Variants in ZNF276 observed in about 807,000 individuals in gnomAD.
ZNF276 encodes the protein zinc finger protein 276, also known as centromere protein Z.
In ZNF276, 59 loss-of-function variants were observed where a neutral mutation model predicts 63.9. That is an observed-to-expected ratio of 0.92 (90% confidence interval 0.75 to 1.15). The LOEUF (loss-of-function observed/expected upper bound fraction) is 1.15. ZNF276 is among the 50% of genes most tolerant of loss of function. The pLI, the probability that ZNF276 is intolerant of heterozygous loss-of-function variation, is 0.00. For missense variants in ZNF276, 1,084 were observed against 843.8 expected, an observed-to-expected ratio of 1.28 and a Z score of -3.53; for synonymous variants, 496 against 348.4, an observed-to-expected ratio of 1.42 and a Z score of -4.72.
Position 89,739,925 on chromosome 16 carries a change from T to G in ZNF276, c.*1679T>G. 1 of 1,604,570 alleles carries G rather than the reference T, an allele frequency of 6.2e-7. No individual in the cohort carries two copies. Among genetic ancestry groups the G allele is most frequent in the Non-Finnish European group, 8.5e-7 (1 of 1,173,120 alleles). On this transcript the variant is annotated 3_prime_UTR_variant, in exon 11 of 11. Transcript: ENST00000443381. ...AGGAACCTCAAGGAGGGCTCGTTCT[T>G]AACCATTTGCAAGATGCCTCTGAAA...
Position 89,721,578 on chromosome 16 carries a change from G to A in ZNF276, c.-63G>A. ...AGCGCGCCGAGCGGAGCCTAACGCC[G>A]GGTCCTCTAGGAACCTCGGGCCGGG... On this transcript the variant is annotated 5_prime_UTR_variant, in exon 1 of 11. Coordinates refer to ENST00000443381, the MANE Select transcript of ZNF276 (RefSeq NM_001113525.2). 1 of 1,419,134 alleles carries A rather than the reference G, an allele frequency of 7.0e-7. No individual in the cohort carries two copies. Among genetic ancestry groups the A allele is most frequent in the Non-Finnish European group, 9.3e-7 (1 of 1,079,436 alleles). The allele number at this position is 1,419,134 out of a possible 1,614,324, so 87.9% of individuals were successfully genotyped here. A position where few individuals can be genotyped will look rare whatever the true frequency, so the allele number is the denominator to read the frequency against.
In ZNF276 at chr16:89,740,222, T is replaced by G; in HGVS notation, c.*1976T>G. ...TGCTTATTGTAAGTCTTAAAACTGGTGACAGTTTTACCTATAGAAGGTAAT... is the reference window on the plus strand; with the variant it reads ...TGCTTATTGTAAGTCTTAAAACTGGGGACAGTTTTACCTATAGAAGGTAAT... On this transcript the variant is annotated 3_prime_UTR_variant, in exon 11 of 11. Coordinates refer to ENST00000443381, the MANE Select transcript of ZNF276 (RefSeq NM_001113525.2). The G allele has an allele frequency of 1.2e-6, 1 of 859,582 alleles. No homozygotes were observed. The highest frequency in any genetic ancestry group is 2.0e-6 in the Non-Finnish European group (1 of 500,290). The allele number at this position is 859,582 out of a possible 1,614,324, so 53.2% of individuals were successfully genotyped here. A position where few individuals can be genotyped will look rare whatever the true frequency, so the allele number is the denominator to read the frequency against.
At position 89,739,087 on chromosome 16, in the gene ZNF276, G is replaced by A. The variant is rs191404781; in HGVS notation, c.*841G>A. 1.0e-3 allele frequency: 1,667 copies of A among 1,613,836 alleles called. 1 individual carries two copies. Among genetic ancestry groups the A allele is most frequent in the Non-Finnish European group, 1.2e-3 (1,445 of 1,179,838 alleles). ...ACATTCTTTGGCAGAAGGAGCCTCC[G>A]GCTGGGGGGAGCTCCCCTGGAGGTG... On this transcript the variant is annotated 3_prime_UTR_variant, in exon 11 of 11. Coordinates refer to ENST00000443381, the MANE Select transcript of ZNF276 (RefSeq NM_001113525.2).
chr16:89,732,264 G>A (rs1435627061), intron 6 of ZNF276: 2 of 152,242 alleles, frequency 1.3e-5, no homozygotes, highest in African/African-American at 2.4e-5. Flanking sequence ...CCAGACTTTT[G>A]GAGGACAAGG....
chr16:89,738,823 C>CA lies in ZNF276; in HGVS notation c.*578dup. 1 of 1,614,076 alleles carries CA rather than the reference C, an allele frequency of 6.2e-7. No homozygotes were observed. The highest frequency in any genetic ancestry group is 8.5e-7 in the Non-Finnish European group (1 of 1,179,982). ...TTGCCAGCCAGGCAGGCACATGGCC[C>CA]AGGCAGCTGTCAATTCTCATGTCCC... On this transcript the variant is annotated 3_prime_UTR_variant, in exon 11 of 11. Coordinates refer to ENST00000443381, the MANE Select transcript of ZNF276 (RefSeq NM_001113525.2).
chr16:89,724,968 C>G (rs1285670175), intron 4 of ZNF276, among the ~76,000 whole-genome samples: 1 of 152,236 alleles, frequency 6.6e-6, no homozygotes, highest in East Asian at 1.9e-4. Flanking sequence ...ATTTTTGAGA[C>G]AGAGTCTCGT....
Position 89,721,566 on chromosome 16 carries a change from G to C in ZNF276, c.-75G>C, listed in dbSNP as rs1319427825. ...CGCCTCGCTTCCAGCGCGCCGAGCGGAGCCTAACGCCGGGTCCTCTAGGAA... is the reference window on the plus strand; with the variant it reads ...CGCCTCGCTTCCAGCGCGCCGAGCGCAGCCTAACGCCGGGTCCTCTAGGAA... On this transcript the variant is annotated 5_prime_UTR_variant, in exon 1 of 11. Transcript: ENST00000443381. 1 of 1,387,616 alleles carries C rather than the reference G, an allele frequency of 7.2e-7. No individual in the cohort carries two copies. The highest frequency in any genetic ancestry group is 1.5e-5 in the African/African-American group (1 of 65,782). The allele number at this position is 1,387,616 out of a possible 1,614,324, so 86.0% of individuals were successfully genotyped here. A position where few individuals can be genotyped will look rare whatever the true frequency, so the allele number is the denominator to read the frequency against.
In ZNF276 at chr16:89,727,210, T is replaced by TGCCTCC; in HGVS notation, c.1007-68_1007-63dup. 2.0e-6 allele frequency: 3 copies of TGCCTCC among 1,478,194 alleles called. No homozygotes were observed. The Middle Eastern group carries it at 5.3e-4, about 259-fold the overall frequency. The allele number at this position is 1,478,194 out of a possible 1,614,324, so 91.6% of individuals were successfully genotyped here. A position where few individuals can be genotyped will look rare whatever the true frequency, so the allele number is the denominator to read the frequency against. On this transcript the variant is annotated intron_variant, in intron 4 of 10. Transcript: ENST00000443381. ...CTTCTAGTCATCAATAGTAGAATCA[T>TGCCTCC]GCCTCCTTGCAGGTGAGACCTTTCT...
intron 4 of ZNF276, 150 bp downstream of exon 4, chr16:89,723,859 TG>T: frequency 1.1e-6 from 1 of 873,180 alleles, no homozygotes; most frequent in South Asian, 1.8e-5. Context: ...TGCCTGCGGC[TG>T]CTCACCACAT....
At chr16:89,726,734 C>T (rs1181014233) in intron 4 of ZNF276, among the ~76,000 whole-genome samples, 1 of 152,072 alleles carries the variant, frequency 6.6e-6, no homozygotes, top group Non-Finnish European at 1.5e-5. Flanking sequence ...CAATGTCTGC[C>T]TCCCGGGTTC....
intron 6 of ZNF276, 99 bp from the exon 7 acceptor site, chr16:89,733,201 AGG>A (rs1229315510): frequency 8.9e-7 from 1 of 1,118,402 alleles, no homozygotes; most frequent in African/African-American, 1.6e-5. Context: ...GAAGCAACTC[AGG>A]GAAGCTTCAG....
At position 89,722,538 on chromosome 16, in the gene ZNF276, C is replaced by T. The variant is rs2061329924; in HGVS notation, c.213C>T (p.Gly71=). 2 of 1,610,912 alleles carry T rather than the reference C, an allele frequency of 1.2e-6. No homozygotes were observed. The highest frequency in any genetic ancestry group is 1.3e-5 in the African/African-American group (1 of 75,038). The part of the protein sequence containing the change: ...GEDGADEAGA[G]RALAMGHCRL... Reference sequence around the variant, plus strand: ...TCCTGCCGCTCTGTGCAGGAGCAGGCCGGGCTCTCGCCATGGGTCACTGTC... The same window carrying T: ...TCCTGCCGCTCTGTGCAGGAGCAGGTCGGGCTCTCGCCATGGGTCACTGTC... The change falls in exon 2 of 11, where the codon GGC becomes GGT. Residue 71 remains glycine, a synonymous_variant. Transcript: ENST00000443381.
In ZNF276 at chr16:89,734,044, C is replaced by G. The variant is rs1194241521; in HGVS notation, c.1474+6C>G. ...CGTGAAGCTCATCCACACAGGTACG[C>G]CTATCGCCAGTGTCGCCCACGCGGG... On this transcript the variant is annotated splice_donor_region_variant and intron_variant, in intron 9 of 10. Transcript: ENST00000443381. 3.1e-6 allele frequency: 5 copies of G among 1,612,952 alleles called. No homozygotes were observed. In the South Asian group the frequency reaches 5.5e-5, roughly 18 times the overall value.
intron 5 of ZNF276, among the ~76,000 whole-genome samples, chr16:89,728,430 G>A (rs937182080): frequency 6.6e-6 from 1 of 151,770 alleles, no homozygotes; most frequent in African/African-American, 2.4e-5. Context: ...TTGAGACGGA[G>A]TCTCGCTGTG....
intron 8 of ZNF276, 106 bp downstream of exon 8, chr16:89,733,663 T>C: frequency 3.0e-6 from 4 of 1,345,986 alleles, no homozygotes; most frequent in Non-Finnish European, 4.2e-6. Flanking sequence ...CCAAGGACAC[T>C]TTGACCTAGG....
chr16:89,733,202 G>T, intron 6 of ZNF276, 100 bp from the exon 7 acceptor site: 2 of 1,137,308 alleles, frequency 1.8e-6, no homozygotes, highest in East Asian at 2.4e-5. Flanking sequence ...AAGCAACTCA[G>T]GGAAGCTTCA....
intron 9 of ZNF276, among the ~76,000 whole-genome samples, chr16:89,735,892 TTTG>T (rs1345581653): frequency 2.1e-3 from 104 of 49,566 alleles, no homozygotes; most frequent in East Asian, 8.8e-3. Flanking sequence ...TTTTTTTTTG[TTTG>T]TTTGTTTGTT....
upstream of ZNF276, chr16:89,721,109 C>T (rs2061255433): frequency 6.2e-6 from 2 of 320,074 alleles, no homozygotes; most frequent in Non-Finnish European, 1.1e-5. Context: ...TGAGACGGGG[C>T]TGGCGAGAAG....
chr16:89,740,855 GAA>G lies in ZNF276; in HGVS notation c.*2612_*2613del. Reference sequence around the variant, plus strand: ...GGCCCATCAAGGAGAAGAAGAAAAGGAAAACCAATAGCTGTAAATAAAAACGT... The same window carrying G: ...GGCCCATCAAGGAGAAGAAGAAAAGGAACCAATAGCTGTAAATAAAAACGT... On this transcript the variant is annotated 3_prime_UTR_variant, in exon 11 of 11. Coordinates refer to ENST00000443381, the MANE Select transcript of ZNF276 (RefSeq NM_001113525.2). 1 of 1,613,096 alleles carries G rather than the reference GAA, an allele frequency of 6.2e-7. No homozygotes were observed. Among genetic ancestry groups the G allele is most frequent in the Non-Finnish European group, 8.5e-7 (1 of 1,179,424 alleles).
Sources: gnomAD v4.1 joint callset for allele counts (sites outside exome capture counted in the v4.1 genomes callset) on GRCh38, gnomAD v4.1.1 for gene constraint, MANE v1.5 for transcripts, NCBI Gene and HGNC (gene_info 2026-07-23, HGNC 2026-07-21) for gene names.